Variants in FOXJ3 observed in about 807,000 individuals in gnomAD.
FOXJ3 encodes forkhead box protein J3.
A neutral mutation model predicts 76.1 loss-of-function variants in FOXJ3; 22 were observed. The observed-to-expected ratio is 0.29, with a 90% CI of 0.21 to 0.41. The LOEUF (loss-of-function observed/expected upper bound fraction) is 0.41. FOXJ3 is among the 10% of genes least tolerant of loss of function. FOXJ3 has a pLI of 1.00. For missense variants in FOXJ3, 613 were observed against 762.1 expected (o/e 0.80, Z 2.30); for synonymous variants, 269 against 261.2 (o/e 1.03, Z -0.29).
Position 42,278,543 on chromosome 1 carries a change from T to G in FOXJ3, c.174A>C (p.Ala58=), listed in dbSNP as rs116819933. ...AHGTGISKKN[A]LLDPNTTLDQ... Reference sequence around the variant, plus strand: ...CCAGAGTTGTATTTGGGTCAAGGAGTGCATTCTTCTTAGAAATTCCTGTTC... The same window carrying G: ...CCAGAGTTGTATTTGGGTCAAGGAGGGCATTCTTCTTAGAAATTCCTGTTC... Residue 58 remains alanine (A), a synonymous_variant, in exon 3 of 13, where the codon GCA becomes GCC. Transcript: ENST00000361346. 1,329 of 1,614,134 alleles carry G rather than the reference T, an allele frequency of 8.2e-4. 21 individuals carry two copies. The African/African-American group carries it at 0.016, about 19-fold the overall frequency.
chr1:42,288,503 G>A (rs1653204840), intron 2 of FOXJ3, among the ~76,000 whole-genome samples: 1 of 152,084 alleles, frequency 6.6e-6, no homozygotes, highest in Non-Finnish European at 1.5e-5. Flanking sequence ...ATCAATGCTG[G>A]CAGAGGGCTA....
rs531839790 is a variant in FOXJ3, at chr1:42,217,523, G to T, written c.528+10360C>A. On this transcript the variant is annotated intron_variant, in intron 5 of 12. Coordinates refer to ENST00000361346, the MANE Select transcript of FOXJ3 (RefSeq NM_014947.5). ...CAGCCTGGCGACAGGGCAAGACTCC[G>T]CCTCAAAAAAAAAAAATCCTTACAA... Among the ~76,000 whole-genome samples, 471 of 150,638 alleles carry T rather than the reference G, an allele frequency of 3.1e-3. 4 individuals are homozygous for T. Among genetic ancestry groups the T allele is most frequent in the African/African-American group, 0.011 (438 of 40,978 alleles).
At chr1:42,217,820 A>C (rs1401789051) in intron 5 of FOXJ3, among the ~76,000 whole-genome samples, 2 of 152,204 alleles carry the variant, frequency 1.3e-5, no homozygotes, top group African/African-American at 2.4e-5. Context: ...TATAGATCCC[A>C]AAACTCCTCA....
rs1021113369 is a variant in FOXJ3 at position 42,241,686 on chromosome 1, C to G, written c.445-13720G>C. Among the ~76,000 whole-genome samples the G allele has an allele frequency of 4.6e-5, 7 of 152,322 alleles. No individual in the cohort carries two copies. The South Asian group carries it at 8.3e-4, about 18-fold the overall frequency. On this transcript the variant is annotated intron_variant, in intron 4 of 12. Coordinates refer to ENST00000361346, the MANE Select transcript of FOXJ3 (RefSeq NM_014947.5). ...CTGATAACATCAATGCATACCACTT[C>G]GGATCCCAAGGGTTGTCCCACCACC...
chr1:42,277,305 A>G (rs1040980780), intron 3 of FOXJ3, among the ~76,000 whole-genome samples: 126 of 151,922 alleles, frequency 8.3e-4, no homozygotes, highest in Non-Finnish European at 1.5e-4. Context: ...TTAGCTGGCC[A>G]TGGTGGCGTG....
At chr1:42,192,793 A>C (rs1394902646) in intron 8 of FOXJ3, among the ~76,000 whole-genome samples, 1 of 152,140 alleles carries the variant, frequency 6.6e-6, no homozygotes, top group Non-Finnish European at 1.5e-5. Context: ...AATATCAATC[A>C]ATAAAAGAAT....
rs1169496289 is a variant in FOXJ3, at chr1:42,335,119, C to T, written c.-78G>A. 1 of 152,226 alleles carries T rather than the reference C, an allele frequency of 6.6e-6. No homozygotes were observed. Among genetic ancestry groups the T allele is most frequent in the South Asian group, 2.1e-4 (1 of 4,832 alleles). 9.4% of individuals were successfully genotyped at this position (152,226 alleles called of 1,614,324 possible). A position where few individuals can be genotyped will look rare whatever the true frequency, so the allele number is the denominator to read the frequency against. On this transcript the variant is annotated 5_prime_UTR_variant, in exon 1 of 13. Transcript: ENST00000361346. ...CCCCGGCCGCTCCGTGCGTCTCCGC[C>T]CCCCCGGGAAAGGTCCCAACGGTGC... is the stretch of plus-strand genomic sequence containing the variant.
chr1:42,255,708 G>C (rs1055470176), intron 4 of FOXJ3, among the ~76,000 whole-genome samples: 1 of 152,190 alleles, frequency 6.6e-6, no homozygotes, highest in African/African-American at 2.4e-5. Flanking sequence ...GACAAAGTAG[G>C]CTTCAGGACA....
intron 4 of FOXJ3, among the ~76,000 whole-genome samples, chr1:42,257,370 C>T (rs1427653010): frequency 1.3e-5 from 2 of 152,040 alleles, no homozygotes; most frequent in African/African-American, 4.8e-5. Context: ...CAAACAAATA[C>T]CAGCAATTCA....
intron 1 of FOXJ3, among the ~76,000 whole-genome samples, chr1:42,313,337 CA>C (rs35058575): frequency 0.067 from 6,297 of 93,716 alleles, 118 homozygotes; most frequent in Middle Eastern, 0.15. Flanking sequence ...AATTCCGTCT[CA>C]AAAAAAAAAA....
At chr1:42,190,011 A>C (rs1646511635) in intron 9 of FOXJ3, among the ~76,000 whole-genome samples, 1 of 152,218 alleles carries the variant, frequency 6.6e-6, no homozygotes, top group Admixed American at 6.5e-5. Context: ...AAGGTAGCGA[A>C]GGAAGAAGGG....
chr1:42,316,773 G>C (rs1464091536), intron 1 of FOXJ3, among the ~76,000 whole-genome samples: 2 of 152,138 alleles, frequency 1.3e-5, no homozygotes, highest in African/African-American at 4.8e-5. Context: ...ATTACACTTA[G>C]GAATGGAAAA....
At chr1:42,229,526 TTCTGGTCTATGTAGGTA>T (rs994358529) in intron 4 of FOXJ3, among the ~76,000 whole-genome samples, 18 of 152,206 alleles carry the variant, frequency 1.2e-4, no homozygotes, top group Non-Finnish European at 2.4e-4. Context: ...ACGTCTCAGA[TTCTGGTCTATGTAGGTA>T]CCTGAGCTTA....
chr1:42,264,265 A>G (rs1651303849), intron 4 of FOXJ3, among the ~76,000 whole-genome samples: 1 of 152,110 alleles, frequency 6.6e-6, no homozygotes, highest in African/African-American at 2.4e-5. Flanking sequence ...GTCTTGAATG[A>G]GGTGAATTAT....
In FOXJ3 at chr1:42,179,782, T is replaced by A; in HGVS notation, c.1797A>T (p.Gln599His). 1.9e-6 allele frequency: 3 copies of A among 1,614,022 alleles called. No individual in the cohort carries two copies. The highest frequency in any genetic ancestry group is 2.5e-6 in the Non-Finnish European group (3 of 1,179,938). ...GCAGGGAACGCCGCATCTGGAAGGC[T>A]TGGGAAGGCATCATGTGCTGCTGGT... ...AMNQQHMMPS[Q>H]AFQMRRSLPP... The change falls in exon 13 of 13, where the codon CAA (glutamine) becomes CAT (histidine). Residue 599 changes from glutamine to histidine, a missense_variant. By Grantham distance (24) the Gln-to-His change is conservative. This residue lies in a region of FOXJ3 where 526 missense variants were observed against 601.4 expected (regional missense o/e 0.87). Coordinates refer to ENST00000361346, the MANE Select transcript of FOXJ3 (RefSeq NM_014947.5).
intron 3 of FOXJ3, among the ~76,000 whole-genome samples, chr1:42,269,287 C>G (rs1651700574): frequency 1.3e-5 from 2 of 152,094 alleles, no homozygotes; most frequent in Admixed American, 6.5e-5. Flanking sequence ...ACCTACCCAG[C>G]TTAAAAGTTC....
intron 11 of FOXJ3, 129 bp downstream of exon 11, chr1:42,188,608 T>C: frequency 2.0e-6 from 1 of 511,660 alleles, no homozygotes; most frequent in Non-Finnish European, 3.3e-6. Context: ...TTTCATTCAT[T>C]TCTTATAAAT....
At chr1:42,209,472 CCTA>C (rs1172426726) in intron 5 of FOXJ3, among the ~76,000 whole-genome samples, 1 of 152,128 alleles carries the variant, frequency 6.6e-6, no homozygotes, top group Non-Finnish European at 1.5e-5. Flanking sequence ...CGGGCAGCAG[CCTA>C]CACCATGAAA....
intron 2 of FOXJ3, among the ~76,000 whole-genome samples, chr1:42,299,169 G>A (rs140551243): frequency 2.0e-4 from 31 of 152,246 alleles, no homozygotes; most frequent in African/African-American, 7.5e-4. Flanking sequence ...AGAATTTTTC[G>A]AATTTCTGCC....
Sources: gnomAD v4.1 joint callset for allele counts (sites outside exome capture counted in the v4.1 genomes callset) on GRCh38, gnomAD v4.1.1 for gene constraint, gnomAD v4.1.1 regional missense constraint, MANE v1.5 for transcripts, NCBI Gene and HGNC (gene_info 2026-07-23, HGNC 2026-07-21) for gene names.